The following BIRC6 variants were observed in gnomAD, a reference collection of about 807,000 sequenced individuals.
BIRC6 encodes dual E2 ubiquitin-conjugating enzyme/E3 ubiquitin-protein ligase BIRC6.
BIRC6 carries 98 observed loss-of-function variants against 503.3 expected under a neutral mutation model. The observed-to-expected ratio is 0.19, with a 90% confidence interval of 0.17 to 0.23. BIRC6 has a LOEUF of 0.23. Ranked by LOEUF, BIRC6 falls within the 10% of genes least tolerant of loss-of-function variation. BIRC6 has a pLI of 1.00. For missense variants in BIRC6, 5,360 were observed against 5,806.0 expected, an observed-to-expected ratio of 0.92 and a Z score of 2.50; for synonymous variants, 2,240 against 2,078.7, an observed-to-expected ratio of 1.08 and a Z score of -2.11.
chr2:32,545,355 T>A (rs1462080264), intron 62 of BIRC6, among the ~76,000 whole-genome samples: 1 of 152,226 alleles, frequency 6.6e-6, no homozygotes, highest in East Asian at 1.9e-4. Flanking sequence ...CAGGTTTTAG[T>A]TTAAATTCTA....
At chr2:32,596,706 G>A (rs939425150) in intron 68 of BIRC6, among the ~76,000 whole-genome samples, 1 of 152,074 alleles carries the variant, frequency 6.6e-6, no homozygotes, top group Non-Finnish European at 1.5e-5. Context: ...TTTAGATTTC[G>A]TTCCGCTTCC....
rs533707567 is a variant in BIRC6, at chr2:32,376,179, C to T, written c.326-1409C>T. Among the ~76,000 whole-genome samples the T allele has an allele frequency of 8.6e-5, 10 of 115,840 alleles. No individual in the cohort carries two copies. In the East Asian group the frequency reaches 1.8e-3, roughly 20 times the overall value. The allele number at this position is 115,840 out of a possible 152,430, so 76.0% of individuals were successfully genotyped here. A position where few individuals can be genotyped will look rare whatever the true frequency, so the allele number is the denominator to read the frequency against. On this transcript the variant is annotated intron_variant, in intron 1 of 73. Coordinates refer to ENST00000421745, the MANE Select transcript of BIRC6 (RefSeq NM_016252.4). ...CCAGCCTGGGGGACAGGGCAAGACTCGGTCTCAAAAAAAAAAAAAAAAAAG... is the reference window on the plus strand; with the variant it reads ...CCAGCCTGGGGGACAGGGCAAGACTTGGTCTCAAAAAAAAAAAAAAAAAAG...
Position 32,531,452 on chromosome 2 carries a change from C to T in BIRC6, c.12192C>T (p.Thr4064=), listed in dbSNP as rs143909151. The T allele has an allele frequency of 8.1e-4, 1,301 of 1,613,830 alleles. 7 individuals carry two copies. The African/African-American group carries it at 0.015, about 18-fold the overall frequency. ...DGILDESLLE[T]CPIQSPLQVF... ...TACTGGATGAATCTTTGCTTGAAACCTGTCCAATTCAGTCACCATTACAAG... is the reference window on the plus strand; with the variant it reads ...TACTGGATGAATCTTTGCTTGAAACTTGTCCAATTCAGTCACCATTACAAG... The change falls in exon 61 of 74, where the codon ACC becomes ACT. Residue 4064 remains threonine, a synonymous_variant. Transcript: ENST00000421745.
chr2:32,408,550 A>T (rs2041504408), intron 9 of BIRC6, among the ~76,000 whole-genome samples: 1 of 152,010 alleles, frequency 6.6e-6, no homozygotes, highest in Non-Finnish European at 1.5e-5. Flanking sequence ...TGTGTGCTAT[A>T]GTTTTGTTAT....
intron 40 of BIRC6, among the ~76,000 whole-genome samples, chr2:32,486,813 T>G (rs1226746733): frequency 6.6e-6 from 1 of 152,190 alleles, no homozygotes. Context: ...TGGTCTAGTG[T>G]TCTATAATCT....
chr2:32,586,704 C>T (rs1184839356), intron 66 of BIRC6, among the ~76,000 whole-genome samples: 1 of 152,022 alleles, frequency 6.6e-6, no homozygotes, highest in Non-Finnish European at 1.5e-5. Flanking sequence ...CAAATGTGAG[C>T]CACTACACCC....
At chr2:32,514,887 G>C in intron 54 of BIRC6, 103 bp from the exon 55 acceptor site, 1 of 843,480 alleles carries the variant, frequency 1.2e-6, no homozygotes, top group Non-Finnish European at 1.8e-6. Context: ...GTCAAATAAA[G>C]TATATAATGT....
rs537706098 is a variant in BIRC6 at position 32,470,051 on chromosome 2, G to A, written c.6348-117G>A. 9 of 943,612 alleles carry A rather than the reference G, an allele frequency of 9.5e-6. No homozygotes were observed. The South Asian group carries it at 2.6e-4, about 28-fold the overall frequency. The allele number at this position is 943,612 out of a possible 1,614,324, so 58.5% of individuals were successfully genotyped here. A position where few individuals can be genotyped will look rare whatever the true frequency, so the allele number is the denominator to read the frequency against. The stretch of plus-strand genomic sequence containing the variant: ...GCTTTCCCAGTCTGAAATATGGTAT[G>A]TTTTAAGAAAGCAAATATTCTATCA... On this transcript the variant is annotated intron_variant, in intron 30 of 73. Transcript: ENST00000421745.
In BIRC6 at chr2:32,436,171, C is replaced by A; in HGVS notation, c.3618C>A (p.Pro1206=). ...CTGGAATGTTGACGTTAACAAGCCCCAAACTTGTTAAAGGTGAAGTAATAC... is the reference window on the plus strand; with the variant it reads ...CTGGAATGTTGACGTTAACAAGCCCAAAACTTGTTAAAGGTGAAGTAATAC... ...GHAGMLTLTS[P]KLVKGMAGGK... is the part of the protein sequence containing the mutation. Residue 1206 remains proline, a synonymous_variant, in exon 15 of 74, where the codon CCC becomes CCA. Coordinates refer to ENST00000421745, the MANE Select transcript of BIRC6 (RefSeq NM_016252.4). 1 of 1,444,518 alleles carries A rather than the reference C, an allele frequency of 6.9e-7. No individual in the cohort carries two copies. The highest frequency in any genetic ancestry group is 1.6e-5 in the South Asian group (1 of 64,240). 89.5% of individuals were successfully genotyped at this position (1,444,518 alleles called of 1,614,324 possible).
intron 3 of BIRC6, among the ~76,000 whole-genome samples, chr2:32,382,639 G>A (rs182768185): frequency 6.6e-6 from 1 of 152,326 alleles, no homozygotes; most frequent in East Asian, 1.9e-4. Flanking sequence ...TAACTGCACA[G>A]TCTACCCCTT....
At chr2:32,577,932 TA>T (rs1425829382) in intron 66 of BIRC6, among the ~76,000 whole-genome samples, 2 of 152,338 alleles carry the variant, frequency 1.3e-5, no homozygotes, top group East Asian at 3.9e-4. Flanking sequence ...TGTGAAGATA[TA>T]ATGAGTGTTC....
rs368187117 is a variant in BIRC6, at chr2:32,415,393, C to T, written c.2102C>T (p.Pro701Leu). The T allele has an allele frequency of 1.2e-4, 192 of 1,613,998 alleles. 2 individuals carry two copies. In the South Asian group the frequency reaches 1.8e-3, roughly 15 times the overall value. ...GATGCAGCAGCCAACCTTACCTCTC[C>T]GGATTCTGAGAAGTGGAACTCTGTG... ...FADAAANLTS[P>L]DSEKWNSVFP... The change falls in exon 10 of 74, where the codon CCG becomes CTG. Residue 701 changes from proline to leucine, a missense_variant. Around this residue, in one of 16 missense-constraint regions of BIRC6, gnomAD observed 700 missense variants for 739.3 expected, o/e 0.95. Coordinates refer to ENST00000421745, the MANE Select transcript of BIRC6 (RefSeq NM_016252.4).
chr2:32,546,858 C>T (rs960747281), intron 63 of BIRC6, among the ~76,000 whole-genome samples: 4 of 152,060 alleles, frequency 2.6e-5, no homozygotes, highest in Admixed American at 6.6e-5. Flanking sequence ...GCAGGCAGAT[C>T]ACTTAAGGTC....
chr2:32,601,131 A>C (rs563811455), intron 70 of BIRC6, among the ~76,000 whole-genome samples: 1 of 152,278 alleles, frequency 6.6e-6, no homozygotes. Flanking sequence ...GTCAAATGGT[A>C]TATGTATGAC....
Position 32,453,808 on chromosome 2 carries a change from G to A in BIRC6, c.4619G>A (p.Gly1540Glu). The part of the protein sequence containing the change: ...DEIDLSDVLS[G>E]NGKVSSCTAA... Reference sequence around the variant, plus strand: ...TATAAAACTTGTCTTTTGCCATTAGGAAATGGAAAGGTCAGTAGTTGCACA... The same window carrying A: ...TATAAAACTTGTCTTTTGCCATTAGAAAATGGAAAGGTCAGTAGTTGCACA... The change falls in exon 23 of 74, where the codon GGA (glycine) becomes GAA (glutamate). Residue 1540 changes from glycine (G) to glutamate (E), a missense_variant and splice_region_variant. Coordinates refer to ENST00000421745, the MANE Select transcript of BIRC6 (RefSeq NM_016252.4). 1 of 1,611,794 alleles carries A rather than the reference G, an allele frequency of 6.2e-7. No individual in the cohort carries two copies.
chr2:32,426,709 A>G (rs1264653865), intron 10 of BIRC6, among the ~76,000 whole-genome samples: 1 of 152,248 alleles, frequency 6.6e-6, no homozygotes, highest in Admixed American at 6.5e-5. Context: ...TTTATTTATT[A>G]TATTCACCTA....
At chr2:32,464,976 CTT>C (rs980954287) in intron 25 of BIRC6, 87 bp from the exon 26 acceptor site, 127 of 1,304,038 alleles carry the variant, frequency 9.7e-5, no homozygotes, top group Non-Finnish European at 1.2e-4. Context: ...AGAGAAGAAA[CTT>C]ATTAATTTGC....
Position 32,415,354 on chromosome 2 carries a change from T to G in BIRC6, c.2063T>G (p.Ile688Ser). 6.2e-7 allele frequency: 1 copy of G among 1,614,020 alleles called. No individual in the cohort carries two copies. The highest frequency in any genetic ancestry group is 1.3e-5 in the African/African-American group (1 of 75,052). The stretch of plus-strand genomic sequence containing the variant: ...TTGCAGGATCCTCCTGTGACTTACA[T>G]TCAGCAATTTGCAGATGCAGCAGCC... ...LLLQDPPVTY[I>S]QQFADAAANL... is the part of the protein sequence containing the mutation. Residue 688 changes from isoleucine (I) to serine (S), a missense_variant, in exon 10 of 74, where the codon ATT (isoleucine) becomes AGT (serine). Transcript: ENST00000421745.
At chr2:32,594,878 T>C (rs967898614) in intron 67 of BIRC6, among the ~76,000 whole-genome samples, 156 bp from the exon 68 acceptor site, 13 of 152,216 alleles carry the variant, frequency 8.5e-5, no homozygotes, top group Admixed American at 2.6e-4. Flanking sequence ...AGAAATTTTT[T>C]ATTCTCAGAG....
Sources: allele counts gnomAD v4.1 joint callset (sites outside exome capture counted in the v4.1 genomes callset), GRCh38; gene constraint gnomAD v4.1.1; regional missense constraint gnomAD v4.1.1; transcripts MANE v1.5; gene names NCBI Gene and HGNC (gene_info 2026-07-23, HGNC 2026-07-21).